The following LRRK1 variants were observed in gnomAD, a reference collection of about 807,000 sequenced individuals.
LRRK1 encodes the protein leucine-rich repeat serine/threonine-protein kinase 1.
Under a neutral mutation model 209.1 loss-of-function variants are expected in LRRK1, and 113 were observed. That is an observed-to-expected ratio of 0.54 (90% CI 0.46 to 0.63). The LOEUF is 0.63. Among genes scored for constraint, LRRK1 ranks in the 30% least tolerant of loss-of-function variants. The pLI is 0.00. For synonymous variants in LRRK1, 1,144 were observed against 1,099.7 expected, an observed-to-expected ratio of 1.04 and a Z score of -0.80; for missense variants, 2,284 against 2,632.2, an observed-to-expected ratio of 0.87 and a Z score of 2.89.
chr15:100,964,100 T>A (rs1039621004), intron 2 of LRRK1, among the ~76,000 whole-genome samples: 4 of 152,088 alleles, frequency 2.6e-5, no homozygotes, highest in African/African-American at 7.2e-5. Flanking sequence ...GGGCCAGAAC[T>A]GTTAGTGAGA....
chr15:101,001,316 A>T (rs969732989), intron 6 of LRRK1, among the ~76,000 whole-genome samples: 120 of 152,278 alleles, frequency 7.9e-4, no homozygotes, highest in African/African-American at 2.8e-3. Flanking sequence ...CGCTCTCTGC[A>T]GCCATCGTCT....
intron 3 of LRRK1, among the ~76,000 whole-genome samples, chr15:100,974,302 G>GA (rs1234622966): frequency 6.6e-6 from 1 of 152,156 alleles, no homozygotes; most frequent in African/African-American, 2.4e-5. Context: ...GCACATGCTG[G>GA]AAAAATAAAA....
In LRRK1 at chr15:100,939,568, A is replaced by C. The variant is rs2042363568; in HGVS notation, c.97+14839A>C. On this transcript the variant is annotated intron_variant, in intron 2 of 33. Coordinates refer to ENST00000388948, the MANE Select transcript of LRRK1 (RefSeq NM_024652.6). Reference sequence around the variant, plus strand: ...AGTGGTGTCAGCGCAATCACTCTTTATAAACGTCCTAATGGTTTTTCGACT... The same window carrying C: ...AGTGGTGTCAGCGCAATCACTCTTTCTAAACGTCCTAATGGTTTTTCGACT... Among the ~76,000 whole-genome samples, 2 of 152,214 alleles carry C rather than the reference A, an allele frequency of 1.3e-5. 1 individual carries two copies. Among genetic ancestry groups the C allele is most frequent in the South Asian group, 4.1e-4 (2 of 4,828 alleles).
intron 2 of LRRK1, among the ~76,000 whole-genome samples, chr15:100,972,361 AGAGTGTGTGTGTGTGTGTGT>A (rs2030967246): frequency 4.8e-5 from 4 of 84,018 alleles, no homozygotes; most frequent in African/African-American, 1.7e-4. Flanking sequence ...AGAGAGAGAG[AGAGTGTGTGTGTGTGTGTGT>A]GTGTGTGTGT....
At chr15:100,960,640 A>C (rs563392847) in intron 2 of LRRK1, among the ~76,000 whole-genome samples, 1 of 152,308 alleles carries the variant, frequency 6.6e-6, no homozygotes, top group South Asian at 2.1e-4. Flanking sequence ...TGGGTGTTTG[A>C]AAGTAAACTC....
chr15:100,972,339 A>AT lies in LRRK1; in HGVS notation c.98-1465_98-1464insT, dbSNP rs1567208132. Among the ~76,000 whole-genome samples, 486 of 97,576 alleles carry AT rather than the reference A, an allele frequency of 5.0e-3. 4 individuals are homozygous for AT. Among genetic ancestry groups the AT allele is most frequent in the African/African-American group, 0.015 (406 of 27,164 alleles). 64.0% of individuals were successfully genotyped at this position (97,576 alleles called of 152,430 possible). A position where few individuals can be genotyped will look rare whatever the true frequency, so the allele number is the denominator to read the frequency against. Reference sequence around the variant, plus strand: ...TGGGATATATATATATATATATGAGAGAGAGAGAGAGAGAGAGAGAGAGAG... The same window carrying AT: ...TGGGATATATATATATATATATGAGATGAGAGAGAGAGAGAGAGAGAGAGAG... On this transcript the variant is annotated intron_variant, in intron 2 of 33. Transcript: ENST00000388948.
intron 20 of LRRK1, among the ~76,000 whole-genome samples, chr15:101,040,359 G>A (rs2141115356): frequency 1.3e-5 from 2 of 152,036 alleles, no homozygotes; most frequent in African/African-American, 4.8e-5. Flanking sequence ...TCTCTGGAAT[G>A]TGTAGTGATA....
intron 4 of LRRK1, among the ~76,000 whole-genome samples, chr15:100,987,243 G>A (rs1451491343): frequency 6.6e-6 from 1 of 152,042 alleles, no homozygotes; most frequent in Non-Finnish European, 1.5e-5. Context: ...GTCCTGTCGC[G>A]AAGGAGAGAG....
At chr15:101,045,950 C>T (rs376458004) in intron 20 of LRRK1, 31 bp from the exon 21 acceptor site, 1 of 1,606,064 alleles carries the variant, frequency 6.2e-7, no homozygotes, top group Non-Finnish European at 8.5e-7. Flanking sequence ...TTGGGCCCCA[C>T]TGTTCACCAG....
chr15:100,995,312 C>A (rs1234890276), intron 6 of LRRK1, among the ~76,000 whole-genome samples: 4 of 152,328 alleles, frequency 2.6e-5, no homozygotes. Context: ...CCAAGCATAG[C>A]CCGAATCCAC....
At chr15:100,941,188 G>C (rs1422735654) in intron 2 of LRRK1, among the ~76,000 whole-genome samples, 1 of 151,306 alleles carries the variant, frequency 6.6e-6, no homozygotes, top group East Asian at 1.9e-4. Flanking sequence ...GTGTGTCTTT[G>C]TGCATGTGTG....
chr15:101,010,504 C>T lies in LRRK1; in HGVS notation c.1044C>T (p.Phe348=). ...SNKLSHLPPG[F]LHLSKLQKLT... ...AGTTGTCCCACCTCCCTCCTGGATT[C>T]TTGCACCTCTCAAAACTTCAAAAAC... is the stretch of plus-strand genomic sequence containing the variant. The change falls in exon 8 of 34, where the codon TTC becomes TTT. Residue 348 remains phenylalanine (F), a synonymous_variant. Coordinates refer to ENST00000388948, the MANE Select transcript of LRRK1 (RefSeq NM_024652.6). 1 of 1,612,778 alleles carries T rather than the reference C, an allele frequency of 6.2e-7. No individual in the cohort carries two copies. Among genetic ancestry groups the T allele is most frequent in the Non-Finnish European group, 8.5e-7 (1 of 1,179,660 alleles).
chr15:100,953,603 A>C (rs972567266), intron 2 of LRRK1, among the ~76,000 whole-genome samples: 5 of 151,942 alleles, frequency 3.3e-5, no homozygotes, highest in African/African-American at 1.2e-4. Flanking sequence ...GGTTGTTTCC[A>C]TATCTTGGCT....
chr15:100,929,764 A>AG (rs139591123), intron 2 of LRRK1, among the ~76,000 whole-genome samples: 1,534 of 152,338 alleles, frequency 0.01, 24 homozygotes, highest in African/African-American at 0.035. Context: ...AGGGCCTTGC[A>AG]GGGAAGGAGA....
intron 2 of LRRK1, among the ~76,000 whole-genome samples, chr15:100,970,457 G>A (rs1217598933): frequency 1.3e-5 from 2 of 152,150 alleles, no homozygotes; most frequent in African/African-American, 2.4e-5. Context: ...GAATGTACAA[G>A]CACAGGTCTA....
At chr15:101,002,585 A>G (rs1028737327) in intron 6 of LRRK1, among the ~76,000 whole-genome samples, 3 of 152,210 alleles carry the variant, frequency 2.0e-5, no homozygotes, top group African/African-American at 7.2e-5. Flanking sequence ...CTTCATGGAT[A>G]GGATTATATA....
In LRRK1 at chr15:101,075,866, C is replaced by T. The variant is rs1463592514; in HGVS notation, c.*7018C>T. ...CTTTCACTTGGACTGACCCTGACACCCATCAGGCTCAGCAAATTACCTGGG... is the reference window on the plus strand; with the variant it reads ...CTTTCACTTGGACTGACCCTGACACTCATCAGGCTCAGCAAATTACCTGGG... On this transcript the variant is annotated 3_prime_UTR_variant, in exon 34 of 34. Coordinates refer to ENST00000388948, the MANE Select transcript of LRRK1 (RefSeq NM_024652.6). The T allele has an allele frequency of 1.3e-5, 2 of 152,204 alleles. No homozygotes were observed. Among genetic ancestry groups the T allele is most frequent in the African/African-American group, 4.8e-5 (2 of 41,396 alleles). 9.4% of individuals were successfully genotyped at this position (152,204 alleles called of 1,614,324 possible). A position where few individuals can be genotyped will look rare whatever the true frequency, so the allele number is the denominator to read the frequency against.
intron 31 of LRRK1, among the ~76,000 whole-genome samples, 181 bp downstream of exon 31, chr15:101,062,871 G>T (rs568716695): frequency 6.6e-6 from 1 of 152,158 alleles, no homozygotes; most frequent in African/African-American, 2.4e-5. Context: ...AGTGCCTTCC[G>T]GTTTGCAAAA....
rs773600020 is a variant in LRRK1, at chr15:101,022,459, C to T, written c.1929C>T (p.Ile643=). The change falls in exon 15 of 34, where the codon ATC becomes ATT. Residue 643 remains isoleucine, a synonymous_variant. Transcript: ENST00000388948. The surrounding 1 kb of genome is among the most constrained non-coding windows in gnomAD (Gnocchi z 4.0). ...AEKCKLMKMI[I]VGPPRQGKST... is the part of the protein sequence containing the mutation. Reference sequence around the variant, plus strand: ...AGTGCAAGCTGATGAAGATGATCATCGTGGGTCCCCCGCGCCAGGGCAAGT... The same window carrying T: ...AGTGCAAGCTGATGAAGATGATCATTGTGGGTCCCCCGCGCCAGGGCAAGT... The T allele has an allele frequency of 5.6e-6, 9 of 1,614,248 alleles. No individual in the cohort carries two copies. Among genetic ancestry groups the T allele is most frequent in the South Asian group, 5.5e-5 (5 of 91,088 alleles).
Sources: gnomAD v4.1 joint callset for allele counts (sites outside exome capture counted in the v4.1 genomes callset) on GRCh38, gnomAD v4.1.1 for gene constraint, Gnocchi (gnomAD v3.1) non-coding constraint, MANE v1.5 for transcripts, NCBI Gene and HGNC (gene_info 2026-07-23, HGNC 2026-07-21) for gene names.